Variants in KCNN2 observed in about 807,000 individuals in gnomAD.
The protein encoded by KCNN2 is small conductance calcium-activated potassium channel protein 2.
Under a neutral mutation model 55.5 loss-of-function variants are expected in KCNN2, and 24 were observed. That is an observed-to-expected ratio of 0.43 (90% CI 0.31 to 0.61). The LOEUF (loss-of-function observed/expected upper bound fraction) is 0.61. Among genes scored for constraint, KCNN2 ranks in the 20% least tolerant of loss-of-function variants. KCNN2 has a pLI of 0.08. For missense variants in KCNN2, 754 were observed against 853.6 expected, an observed-to-expected ratio of 0.88 and a Z score of 1.45; for synonymous variants, 431 against 336.1, an observed-to-expected ratio of 1.28 and a Z score of -3.09.
intron 1 of KCNN2, among the ~76,000 whole-genome samples, chr5:114,148,751 G>A (rs1212810136): frequency 1.3e-5 from 2 of 152,066 alleles, no homozygotes; most frequent in African/African-American, 4.8e-5. Flanking sequence ...GATAGGAGGT[G>A]GAGGGAGGGG....
chr5:114,315,746 C>T (rs1220665078), intron 2 of KCNN2, among the ~76,000 whole-genome samples: 2 of 151,736 alleles, frequency 1.3e-5, no homozygotes, highest in Non-Finnish European at 2.9e-5. Context: ...ATAGAGTAAC[C>T]CTGTTAACAT....
chr5:114,173,927 CT>C (rs541561408), intron 1 of KCNN2, among the ~76,000 whole-genome samples: 3 of 151,468 alleles, frequency 2.0e-5, no homozygotes, highest in East Asian at 1.9e-4. Context: ...TTAATTTTTA[CT>C]TTTTTTTGCA....
intron 1 of KCNN2, among the ~76,000 whole-genome samples, chr5:114,143,634 T>G (rs936243860): frequency 1.3e-5 from 2 of 152,188 alleles, no homozygotes; most frequent in Non-Finnish European, 2.9e-5. Context: ...ATCTTGGTGA[T>G]GTGAAACCTC....
At chr5:114,149,824 A>G (rs1471444346) in intron 1 of KCNN2, among the ~76,000 whole-genome samples, 1 of 152,212 alleles carries the variant, frequency 6.6e-6, no homozygotes, top group Non-Finnish European at 1.5e-5. Context: ...GTGAAGCTAG[A>G]CAACCGGTTA....
chr5:114,327,406 A>C (rs1756733491), intron 2 of KCNN2, among the ~76,000 whole-genome samples: 1 of 152,204 alleles, frequency 6.6e-6, no homozygotes, highest in Admixed American at 6.5e-5. Flanking sequence ...ATTTGGATAA[A>C]CACTTTTGGT....
At chr5:114,452,816 C>T (rs984723009) in intron 3 of KCNN2, among the ~76,000 whole-genome samples, 1 of 152,204 alleles carries the variant, frequency 6.6e-6, no homozygotes, top group Non-Finnish European at 1.5e-5. Context: ...TTAGCTCTTT[C>T]TTCTGAGCCA....
At chr5:114,225,859 G>T (rs1402639174) in intron 2 of KCNN2, among the ~76,000 whole-genome samples, 3 of 152,120 alleles carry the variant, frequency 2.0e-5, no homozygotes. Context: ...AATTCAGAAA[G>T]ATAATCATCC....
intron 1 of KCNN2, among the ~76,000 whole-genome samples, chr5:114,098,503 G>T (rs1751308586): frequency 6.6e-6 from 1 of 152,028 alleles, no homozygotes; most frequent in African/African-American, 2.4e-5. Context: ...ACCCTATTGT[G>T]AACTGTGCAT....
Position 114,493,409 on chromosome 5 carries a change from A to C in KCNN2, c.2025A>C (p.Arg675Ser). 1 of 1,588,258 alleles carries C rather than the reference A, an allele frequency of 6.3e-7. No individual in the cohort carries two copies. The highest frequency in any genetic ancestry group is 8.6e-7 in the Non-Finnish European group (1 of 1,156,366). The change falls in exon 7 of 8, where the codon AGA becomes AGC. Residue 675 changes from arginine to serine, a missense_variant. Transcript: ENST00000673685. Reference protein sequence around the residue: ...RKFLQAIHQLRSVKMEQRKLN... With the variant: ...RKFLQAIHQLSSVKMEQRKLN... ...ACCAGATTCTATCTTTTAGATTAAG[A>C]AGTGTAAAAATGGAGCAGAGGAAAC...
chr5:114,151,406 C>A (rs1402399970), intron 1 of KCNN2, among the ~76,000 whole-genome samples: 1 of 152,130 alleles, frequency 6.6e-6, no homozygotes, highest in Non-Finnish European at 1.5e-5. Context: ...CAGCTCCCTT[C>A]CTTCCACTTG....
In KCNN2 at chr5:114,392,036, G is replaced by A. The variant is rs147211645; in HGVS notation, c.1219-12402G>A. On this transcript the variant is annotated intron_variant, in intron 2 of 7. Transcript: ENST00000673685. ...TATTCTACTAAGTTCTCAAGCAACCGTTTGCTTATGATTTCAGATTGGAAC... is the reference window on the plus strand; with the variant it reads ...TATTCTACTAAGTTCTCAAGCAACCATTTGCTTATGATTTCAGATTGGAAC... 3.0e-3 allele frequency among the ~76,000 whole-genome samples: 456 copies of A among 152,186 alleles called. 2 individuals are homozygous for A. Among genetic ancestry groups the A allele is most frequent in the Non-Finnish European group, 3.5e-3 (240 of 67,976 alleles).
intron 1 of KCNN2, among the ~76,000 whole-genome samples, chr5:114,104,162 A>T (rs1402252833): frequency 2.0e-5 from 3 of 151,944 alleles, no homozygotes; most frequent in Non-Finnish European, 4.4e-5. Context: ...GGGAGGGTTT[A>T]TGTGTCCAGG....
In KCNN2 at chr5:114,155,971, A is replaced by G. The variant is rs186594984; in HGVS notation, c.-270-65509A>G. Among the ~76,000 whole-genome samples, 6 of 152,186 alleles carry G rather than the reference A, an allele frequency of 3.9e-5. No homozygotes were observed. In the East Asian group the frequency reaches 9.7e-4, roughly 24 times the overall value. ...ATCTTTGCCCATGCTTGTGTCCCTA[A>G]TAGTATTACCTAGGTTGTCTTCCAG... On this transcript the variant is annotated intron_variant, in intron 1 of 10. Coordinates refer to the KCNN2 transcript ENST00000512097.
chr5:114,192,277 C>T (rs1047676264), intron 1 of KCNN2, among the ~76,000 whole-genome samples: 1 of 152,176 alleles, frequency 6.6e-6, no homozygotes, highest in African/African-American at 2.4e-5. Context: ...CTCTCTTATG[C>T]TTCAGTGACA....
At chr5:114,409,572 A>T (rs1201975346) in intron 3 of KCNN2, among the ~76,000 whole-genome samples, 15 of 152,192 alleles carry the variant, frequency 9.9e-5, no homozygotes, top group Admixed American at 9.8e-4. Context: ...GGAGATTCAC[A>T]TCTGATAGAA....
At chr5:114,270,530 T>C (rs1755306069) in intron 2 of KCNN2, among the ~76,000 whole-genome samples, 1 of 152,222 alleles carries the variant, frequency 6.6e-6, no homozygotes, top group Admixed American at 6.5e-5. Context: ...GTCAATACTC[T>C]TGAAACCACT....
chr5:114,107,513 T>G (rs1236289693), intron 1 of KCNN2, among the ~76,000 whole-genome samples: 1 of 152,030 alleles, frequency 6.6e-6, no homozygotes, highest in East Asian at 1.9e-4. Context: ...GCCTCCTGAA[T>G]AGCTGGGACT....
Position 114,446,876 on chromosome 5 carries a change from T to C in KCNN2, c.1638-16173T>C, listed in dbSNP as rs1580846272. 3.9e-5 allele frequency among the ~76,000 whole-genome samples: 6 copies of C among 152,302 alleles called. 1 individual carries two copies. The highest frequency in any genetic ancestry group is 3.9e-4 in the Admixed American group (6 of 15,294). On this transcript the variant is annotated intron_variant, in intron 3 of 7. Coordinates refer to ENST00000673685, the MANE Select transcript of KCNN2 (RefSeq NM_021614.4). ...GAGATCACACCACTGCGCTCCAGAC[T>C]GGGTGACAGAGCAAGACTCTGTCTC... is the stretch of plus-strand genomic sequence containing the variant.
intron 2 of KCNN2, among the ~76,000 whole-genome samples, chr5:114,340,972 T>C (rs1023323944): frequency 1.3e-5 from 2 of 152,236 alleles, no homozygotes; most frequent in African/African-American, 4.8e-5. Context: ...TAACTTGGCA[T>C]AATGTTTCCC....
Sources: allele counts gnomAD v4.1 joint callset (sites outside exome capture counted in the v4.1 genomes callset), GRCh38; gene constraint gnomAD v4.1.1; transcripts MANE v1.5; gene names NCBI Gene and HGNC (gene_info 2026-07-23, HGNC 2026-07-21).